Variants in RUFY2 observed in about 807,000 individuals in gnomAD.
The protein encoded by RUFY2 is RUN and FYVE domain-containing protein 2.
RUFY2 carries 49 observed loss-of-function variants against 94.4 expected under a neutral mutation model. That is an observed-to-expected ratio of 0.52 (90% CI 0.41 to 0.66). The LOEUF (loss-of-function observed/expected upper bound fraction) is 0.66. Among genes scored for constraint, RUFY2 ranks in the 30% least tolerant of loss-of-function variants. The pLI, the probability that RUFY2 is intolerant of heterozygous loss-of-function variation, is 0.00. For missense variants in RUFY2, 541 were observed against 692.8 expected, an observed-to-expected ratio of 0.78 and a Z score of 2.46; for synonymous variants, 255 against 235.7, an observed-to-expected ratio of 1.08 and a Z score of -0.75.
Position 68,379,444 on chromosome 10 carries a change from G to A in RUFY2, c.1185C>T (p.Ala395=), listed in dbSNP as rs1231665710. 1.9e-6 allele frequency: 3 copies of A among 1,610,794 alleles called. No individual in the cohort carries two copies. Among genetic ancestry groups the A allele is most frequent in the Non-Finnish European group, 2.5e-6 (3 of 1,178,818 alleles). The change falls in exon 12 of 18, where the codon GCC becomes GCT. Residue 395 remains alanine, a synonymous_variant. Transcript: ENST00000602465. Reference sequence around the variant, plus strand: ...TGTACCTTTGTTCCAGCTGCCTCATGGCTGCAGTAATTTTATTGGTTTTTT... The same window carrying A: ...TGTACCTTTGTTCCAGCTGCCTCATAGCTGCAGTAATTTTATTGGTTTTTT... ...LEEKTNKITA[A]MRQLEQRLQQ...
chr10:68,376,061 C>A (rs1442060143), intron 13 of RUFY2, among the ~76,000 whole-genome samples: 1 of 150,700 alleles, frequency 6.6e-6, no homozygotes, highest in Non-Finnish European at 1.5e-5. Flanking sequence ...CAAGGTCGTG[C>A]CATTGCACTC....
chr10:68,376,454 A>C (rs1349065410), intron 13 of RUFY2, among the ~76,000 whole-genome samples: 1 of 23,328 alleles, frequency 4.3e-5, no homozygotes, highest in South Asian at 1.1e-3. Flanking sequence ...ATATATATAT[A>C]TATATATATA....
intron 1 of RUFY2, chr10:68,405,313 CAAA>C (rs386371709): frequency 1.5e-4 from 25 of 171,286 alleles, no homozygotes; most frequent in Non-Finnish European, 2.2e-4. Context: ...CTCCGTCTCA[CAAA>C]AAAAAAAAAA....
chr10:68,341,478 C>T, downstream of RUFY2: 1 of 1,001,764 alleles, frequency 1.0e-6, no homozygotes, highest in African/African-American at 1.6e-5. Context: ...AATTAATAAG[C>T]ATACTTTGTT....
chr10:68,386,777 CTACTT>C (rs1373458320), intron 7 of RUFY2, among the ~76,000 whole-genome samples: 8 of 152,234 alleles, frequency 5.3e-5, no homozygotes, highest in African/African-American at 1.9e-4. Context: ...CTTTAAATGT[CTACTT>C]TATAATTATG....
At chr10:68,369,215 T>C (rs1023007400) in intron 13 of RUFY2, among the ~76,000 whole-genome samples, 1 of 152,254 alleles carries the variant, frequency 6.6e-6, no homozygotes, top group Non-Finnish European at 1.5e-5. Context: ...GCCGGCACAG[T>C]GGCTCATGCC....
intron 16 of RUFY2, among the ~76,000 whole-genome samples, chr10:68,352,166 A>AC (rs1443970657): frequency 2.0e-5 from 3 of 152,018 alleles, no homozygotes; most frequent in Non-Finnish European, 4.4e-5. Flanking sequence ...TTGCTATACT[A>AC]CCCAGGCTGG....
intron 7 of RUFY2, among the ~76,000 whole-genome samples, chr10:68,388,987 A>G (rs12777124): frequency 6.6e-6 from 1 of 152,156 alleles, no homozygotes; most frequent in Non-Finnish European, 1.5e-5. Context: ...CAACCTCCAG[A>G]GCTCAAGTGA....
At chr10:68,363,422 G>A (rs1234706029) in intron 15 of RUFY2, among the ~76,000 whole-genome samples, 168 bp downstream of exon 15, 1 of 152,212 alleles carries the variant, frequency 6.6e-6, no homozygotes, top group East Asian at 1.9e-4. Flanking sequence ...TGATCCACCC[G>A]CCTCGGCCAG....
chr10:68,399,874 C>T (rs1480209354), intron 3 of RUFY2, among the ~76,000 whole-genome samples: 1 of 151,992 alleles, frequency 6.6e-6, no homozygotes, highest in Admixed American at 6.6e-5. Flanking sequence ...CTCTGCCTCC[C>T]GGGTTCAAGC....
intron 4 of RUFY2, among the ~76,000 whole-genome samples, chr10:68,396,446 T>C (rs1465998812): frequency 1.3e-5 from 2 of 151,732 alleles, no homozygotes; most frequent in African/African-American, 4.8e-5. Flanking sequence ...GAATTAACCA[T>C]ATTCAGAAAA....
chr10:68,407,079 G>T lies in RUFY2; in HGVS notation c.4+107C>A. The T allele has an allele frequency of 2.0e-6, 3 of 1,495,720 alleles. No homozygotes were observed. In the South Asian group the frequency reaches 3.9e-5, roughly 19 times the overall value. 92.7% of individuals were successfully genotyped at this position (1,495,720 alleles called of 1,614,324 possible). A position where few individuals can be genotyped will look rare whatever the true frequency, so the allele number is the denominator to read the frequency against. ...CATCCTGGGTTCGGGCCCCAGTTCC[G>T]ACTGGCGGCCTCGGCGTCTCCCCCA... On this transcript the variant is annotated intron_variant, in intron 1 of 17. Coordinates refer to ENST00000602465, the MANE Select transcript of RUFY2 (RefSeq NM_001330103.2).
At chr10:68,377,704 C>T in intron 12 of RUFY2, 1 of 985,352 alleles carries the variant, frequency 1.0e-6, no homozygotes, top group Non-Finnish European at 1.2e-6. Context: ...CTTAGCTCCA[C>T]TCCCTGCCTT....
chr10:68,404,343 T>C (rs1235683498), intron 2 of RUFY2, among the ~76,000 whole-genome samples: 1 of 152,190 alleles, frequency 6.6e-6, no homozygotes. Flanking sequence ...GTTCGAACTA[T>C]TAATATGAGC....
intron 8 of RUFY2, among the ~76,000 whole-genome samples, chr10:68,385,585 A>G (rs1477017260): frequency 6.6e-6 from 1 of 151,976 alleles, no homozygotes; most frequent in African/African-American, 2.4e-5. Context: ...TTTAACAAGA[A>G]TTTCTTTTTT....
rs572002788 is a variant in RUFY2, at chr10:68,364,222, T to C, written c.1326-109A>G. The C allele has an allele frequency of 1.9e-4, 191 of 1,023,330 alleles. No homozygotes were observed. In the East Asian group the frequency reaches 5.1e-3, roughly 27 times the overall value. 63.4% of individuals were successfully genotyped at this position (1,023,330 alleles called of 1,614,324 possible). On this transcript the variant is annotated intron_variant, in intron 13 of 17. Transcript: ENST00000602465. The stretch of plus-strand genomic sequence containing the variant: ...TGGTTTATTACTTTGGCCTTTGTAA[T>C]GCATTTTTCAGACATTTTCTTTCAC...
rs1362709943 is a variant in RUFY2, at chr10:68,344,204, T to C, written c.*1564A>G. ...AAAAAATAGATCTTCAAGTAAAATA[T>C]TCATTTCATACTTAGGCTATTCAGA... On this transcript the variant is annotated 3_prime_UTR_variant, in exon 18 of 18. Transcript: ENST00000602465. 4 of 152,204 alleles carry C rather than the reference T, an allele frequency of 2.6e-5. No homozygotes were observed. The highest frequency in any genetic ancestry group is 2.9e-5 in the Non-Finnish European group (2 of 68,040). 9.4% of individuals were successfully genotyped at this position (152,204 alleles called of 1,614,324 possible).
chr10:68,343,515 G>C lies in RUFY2; in HGVS notation c.*2253C>G, dbSNP rs7910016. 106,085 of 152,370 alleles carry C rather than the reference G, an allele frequency of 0.7. 38,805 individuals carry two copies. Among genetic ancestry groups the C allele is most frequent in the East Asian group, 0.85 (4,400 of 5,180 alleles). The allele number at this position is 152,370 out of a possible 1,614,324, so 9.4% of individuals were successfully genotyped here. On this transcript the variant is annotated 3_prime_UTR_variant, in exon 18 of 18. Coordinates refer to ENST00000602465, the MANE Select transcript of RUFY2 (RefSeq NM_001330103.2). The stretch of plus-strand genomic sequence containing the variant: ...AAACCAAAATTGCCCTTTTAAAGCA[G>C]GCTAATTTTCCAAATATTTATTTAG...
At position 68,404,765 on chromosome 10, in the gene RUFY2, A is replaced by C; in HGVS notation, c.84T>G (p.Ser28=). 1 of 1,613,658 alleles carries C rather than the reference A, an allele frequency of 6.2e-7. No individual in the cohort carries two copies. Among genetic ancestry groups the C allele is most frequent in the Middle Eastern group, 1.6e-4 (1 of 6,062 alleles). ...CCAAAGTGCGGCCAAAGCTCAGAGC[A>C]GATTCAATGAGTCCTTTGATACTCA... The part of the protein sequence containing the change: ...AKLSIKGLIE[S]ALSFGRTLDS... The change falls in exon 2 of 18, where the codon TCT becomes TCG. Residue 28 remains serine, a synonymous_variant. Transcript: ENST00000602465.
Sources: gnomAD v4.1 joint callset for allele counts (sites outside exome capture counted in the v4.1 genomes callset) on GRCh38, gnomAD v4.1.1 for gene constraint, MANE v1.5 for transcripts, NCBI Gene and HGNC (gene_info 2026-07-23, HGNC 2026-07-21) for gene names.